Variants in AARSD1 observed in about 807,000 individuals in gnomAD.
The protein encoded by AARSD1 is alanyl-tRNA editing protein Aarsd1.
In AARSD1, 44 loss-of-function variants were observed where a neutral mutation model predicts 48.7. The observed-to-expected ratio is 0.90, with a 90% CI of 0.71 to 1.16. AARSD1 has a LOEUF of 1.16. AARSD1 is among the 50% of genes most tolerant of loss of function. The pLI is 0.00. For synonymous variants in AARSD1, 189 were observed against 194.9 expected, an observed-to-expected ratio of 0.97 and a Z score of 0.25; for missense variants, 511 against 523.1, an observed-to-expected ratio of 0.98 and a Z score of 0.23.
chr17:42,950,667 T>C lies in AARSD1; in HGVS notation c.1165A>G (p.Thr389Ala), dbSNP rs1329970530. 5 of 1,614,006 alleles carry C rather than the reference T, an allele frequency of 3.1e-6. No individual in the cohort carries two copies. The highest frequency in any genetic ancestry group is 2.2e-5 in the East Asian group (1 of 44,868). The change falls in exon 12 of 12, where the codon ACC becomes GCC. Residue 389 changes from threonine to alanine, a missense_variant. Transcript: ENST00000427569. ...GKKGRFQGKA[T>A]KMSRRMEAQA... ...GCCTCCATCCGCCGGCTCATCTTGG[T>C]GGCCTTGCCCTGAAAACGGCCTTTC...
At chr17:42,961,069 T>C (rs533898015) in intron 3 of AARSD1, 123 bp downstream of exon 3, 1 of 1,442,388 alleles carries the variant, frequency 6.9e-7, no homozygotes, top group African/African-American at 1.4e-5. Context: ...TTACAGCTGA[T>C]TCTGAATAGT....
chr17:42,952,000 A>C, intron 10 of AARSD1, 106 bp from the exon 11 acceptor site: 1 of 1,274,482 alleles, frequency 7.8e-7, no homozygotes, highest in Non-Finnish European at 1.1e-6. Flanking sequence ...TTCCCCCTAA[A>C]CCACCAAGTG....
intron 3 of AARSD1, among the ~76,000 whole-genome samples, chr17:42,960,735 A>AG (rs1050916953): frequency 3.3e-5 from 5 of 151,624 alleles, no homozygotes; most frequent in East Asian, 1.9e-4. Flanking sequence ...AAAAAAAAAA[A>AG]AAAAGAAAAG....
intron 2 of AARSD1, among the ~76,000 whole-genome samples, 198 bp downstream of exon 2, chr17:42,963,908 C>T (rs1012480353): frequency 6.6e-6 from 1 of 152,196 alleles, no homozygotes; most frequent in African/African-American, 2.4e-5. Flanking sequence ...ACCGGTTATC[C>T]TTACAGCCTG....
In AARSD1 at chr17:42,964,105, C is replaced by T. The variant is rs983953388; in HGVS notation, c.171+1G>A. 6.2e-7 allele frequency: 1 copy of T among 1,614,162 alleles called. No individual in the cohort carries two copies. Among genetic ancestry groups the T allele is most frequent in the Non-Finnish European group, 8.5e-7 (1 of 1,180,034 alleles). ...TTCCTGGGAAGAGATCGTTTTGGTA[C>T]CTGTCCCCCGCCCTCAGGGAAAAGC... On this transcript the variant is annotated splice_donor_variant, in intron 2 of 11. Coordinates refer to ENST00000427569, the MANE Select transcript of AARSD1 (RefSeq NM_001261434.2). LOFTEE classifies it high-confidence loss of function.
chr17:42,959,669 CTTTT>C (rs1258222034), intron 3 of AARSD1, among the ~76,000 whole-genome samples: 1 of 141,162 alleles, frequency 7.1e-6, no homozygotes, highest in Non-Finnish European at 1.6e-5. Flanking sequence ...TTTCTCTTTT[CTTTT>C]TTTTTTTTTG....
rs769448819 is a variant in AARSD1 at position 42,964,451 on chromosome 17, G to A, written c.-11C>T. The A allele has an allele frequency of 9.0e-6, 14 of 1,550,586 alleles. No individual in the cohort carries two copies. Among genetic ancestry groups the A allele is most frequent in the East Asian group, 2.4e-5 (1 of 40,932 alleles). ...ACACCAGAACGCCATACCTGCAGGC[G>A]TGTGAGGAGGCGCACGCGCAGAGAA... On this transcript the variant is annotated 5_prime_UTR_variant, in exon 1 of 12. In the 5' UTR this introduces an upstream ATG that the reference lacks. Transcript: ENST00000427569.
chr17:42,963,629 A>T (rs690664), intron 2 of AARSD1, among the ~76,000 whole-genome samples: 1 of 151,668 alleles, frequency 6.6e-6, no homozygotes, highest in Non-Finnish European at 1.5e-5. Context: ...CAGTCCCTAA[A>T]ACCCGAAGCT....
intron 9 of AARSD1, among the ~76,000 whole-genome samples, chr17:42,954,421 G>A (rs1430537058): frequency 6.7e-6 from 1 of 149,874 alleles, no homozygotes; most frequent in Non-Finnish European, 1.5e-5. Flanking sequence ...GGCCTGGTAT[G>A]TAACATATTT....
chr17:42,959,116 G>A (rs1352571846), intron 3 of AARSD1, among the ~76,000 whole-genome samples: 6 of 129,424 alleles, frequency 4.6e-5, no homozygotes, highest in Admixed American at 8.7e-5. Context: ...AGAATCACCC[G>A]AACCCAGTAG....
chr17:42,954,355 A>C (rs889520070), intron 9 of AARSD1, among the ~76,000 whole-genome samples: 1 of 152,152 alleles, frequency 6.6e-6, no homozygotes. Flanking sequence ...CTCAAAAAAA[A>C]CACAAAAAAC....
chr17:42,950,589 G>A lies in AARSD1; in HGVS notation c.*4C>T, dbSNP rs769392693. ...TGGAAACAGGAGGTGAGTGCCCTAA[G>A]CCCTCACTCCTTAGCACTCTGCGTG... is the stretch of plus-strand genomic sequence containing the variant. On this transcript the variant is annotated 3_prime_UTR_variant, in exon 12 of 12. Coordinates refer to ENST00000427569, the MANE Select transcript of AARSD1 (RefSeq NM_001261434.2). The A allele has an allele frequency of 1.9e-6, 3 of 1,605,832 alleles. No individual in the cohort carries two copies. Among genetic ancestry groups the A allele is most frequent in the Non-Finnish European group, 2.6e-6 (3 of 1,175,318 alleles).
intron 3 of AARSD1, among the ~76,000 whole-genome samples, chr17:42,960,623 G>A (rs1871195848): frequency 6.6e-6 from 1 of 150,906 alleles, no homozygotes. Context: ...TCGGGAGGCT[G>A]AGGCAGGAGA....
At position 42,953,826 on chromosome 17, in the gene AARSD1, T is replaced by C. The variant is rs775453978; in HGVS notation, c.954-48A>G. 3.1e-6 allele frequency: 5 copies of C among 1,613,380 alleles called. No individual in the cohort carries two copies. The Admixed American group carries it at 6.7e-5, about 22-fold the overall frequency. On this transcript the variant is annotated intron_variant, in intron 9 of 11. Transcript: ENST00000427569. ...GAGACCCAGGTTGGAGTGGTGGCTG[T>C]GAAACTGCAGGAAGCCTGGCCCCTC...
chr17:42,960,766 TTGGC>T (rs1004962746), intron 3 of AARSD1, among the ~76,000 whole-genome samples: 24 of 150,298 alleles, frequency 1.6e-4, no homozygotes, highest in Admixed American at 4.0e-4. Flanking sequence ...GACTCAGTGA[TTGGC>T]TGGCTGTCTA....
chr17:42,953,690 C>T (rs1343740795), intron 10 of AARSD1, 34 bp downstream of exon 10: 6 of 1,613,940 alleles, frequency 3.7e-6, no homozygotes, highest in East Asian at 2.2e-5. Flanking sequence ...GGTCTCTATC[C>T]AGGCCGGGGT....
chr17:42,958,227 C>T (rs1042252054), intron 3 of AARSD1, among the ~76,000 whole-genome samples: 9 of 152,230 alleles, frequency 5.9e-5, no homozygotes, highest in Middle Eastern at 3.4e-3. Context: ...TTCAGTCAGG[C>T]GCGGTGGCTC....
At chr17:42,963,554 T>G (rs1475256847) in intron 2 of AARSD1, among the ~76,000 whole-genome samples, 1 of 152,098 alleles carries the variant, frequency 6.6e-6, no homozygotes, top group African/African-American at 2.4e-5. Flanking sequence ...CACTGATAAA[T>G]ATGCTCTCTG....
At chr17:42,962,237 T>C (rs1364723911) in intron 2 of AARSD1, 4 of 297,362 alleles carry the variant, frequency 1.3e-5, no homozygotes, top group African/African-American at 4.6e-5. Context: ...CAGACGGAGA[T>C]TGCAGTAAGC....
Sources: gnomAD v4.1 joint callset for allele counts (sites outside exome capture counted in the v4.1 genomes callset) on GRCh38, gnomAD v4.1.1 for gene constraint, MANE v1.5 for transcripts, NCBI Gene and HGNC (gene_info 2026-07-23, HGNC 2026-07-21) for gene names.